The following AKAP4 variants were observed in gnomAD, a reference collection of about 807,000 sequenced individuals.
The protein encoded by AKAP4 is A-kinase anchoring protein 4.
A neutral mutation model predicts 42.6 loss-of-function variants in AKAP4; 4 were observed. The observed-to-expected ratio is 0.09, with a 90% CI of 0.05 to 0.22. The LOEUF is 0.22. Among genes scored for constraint, AKAP4 ranks in the 10% least tolerant of loss-of-function variants. AKAP4 has a pLI of 1.00. For missense variants in AKAP4, 551 were observed against 630.7 expected, an observed-to-expected ratio of 0.87 and a Z score of 1.35; for synonymous variants, 223 against 233.0, an observed-to-expected ratio of 0.96 and a Z score of 0.39.
Position 50,193,452 on chromosome X carries a change from C to G in AKAP4, c.1261G>C (p.Asp421His). Reference protein sequence around the residue: ...LFNQWKQNATDIMEAMLKRLV... With the variant: ...LFNQWKQNATHIMEAMLKRLV... ...CGCTTCAGCATGGCCTCCATGATGT[C>G]TGTAGCATTTTGTTTCCACTGGTTG... Residue 421 changes from aspartate (D) to histidine (H), a missense_variant, in exon 5 of 6, where the codon GAC becomes CAC. Asp to His is a moderately conservative substitution (Grantham distance 81, BLOSUM62 -1). Coordinates refer to ENST00000358526, the MANE Select transcript of AKAP4 (RefSeq NM_003886.3). The G allele has an allele frequency of 8.3e-7, 1 of 1,211,979 alleles. No homozygotes were observed. The highest frequency in any genetic ancestry group is 1.1e-6 in the Non-Finnish European group (1 of 895,604).
intron 1 of AKAP4, chrX:50,200,331 C>T (rs1935248254): frequency 6.6e-6 from 5 of 753,114 alleles, no homozygotes; most frequent in African/African-American, 2.3e-5. Context: ...TTCTTGGGCA[C>T]CTGCAGTTGG....
In AKAP4 at chrX:50,200,849, T is replaced by C. The variant is rs1557204789; in HGVS notation, c.27+14A>G. On this transcript the variant is annotated intron_variant, in intron 1 of 5. Coordinates refer to ENST00000358526, the MANE Select transcript of AKAP4 (RefSeq NM_003886.3). ...GCCCCCTTAGCTAGTCAAAAAGAAG[T>C]CAGATGTCCCTACCATTGTAGTATC... is the stretch of plus-strand genomic sequence containing the variant. 4.2e-6 allele frequency: 5 copies of C among 1,204,749 alleles called. No homozygotes were observed. Among genetic ancestry groups the C allele is most frequent in the Non-Finnish European group, 5.6e-6 (5 of 890,005 alleles).
In AKAP4 at chrX:50,198,652, C is replaced by T. The variant is rs782103387; in HGVS notation, c.123+5G>A. ...CTCCTCGGCATGAGTCATTTTTTAT[C>T]TTACCACTTTCCGGTCCTGATCTTG... On this transcript the variant is annotated splice_donor_5th_base_variant and intron_variant, in intron 2 of 5. Transcript: ENST00000358526. 6 of 1,202,838 alleles carry T rather than the reference C, an allele frequency of 5.0e-6. No homozygotes were observed. The highest frequency in any genetic ancestry group is 6.8e-6 in the Non-Finnish European group (6 of 888,314).
intron 5 of AKAP4, among the ~76,000 whole-genome samples, chrX:50,191,832 C>A: frequency 9.1e-6 from 1 of 110,088 alleles, no homozygotes; most frequent in African/African-American, 3.3e-5. Context: ...CTTGCAGGAC[C>A]CATGAGTTTG....
Position 50,197,664 on chromosome X carries a change from A to G in AKAP4, c.124-70T>C, listed in dbSNP as rs1373816541. The G allele has an allele frequency of 3.2e-6, 3 of 950,201 alleles. No individual in the cohort carries two copies. The African/African-American group carries it at 5.8e-5, about 18-fold the overall frequency. 78.3% of individuals were successfully genotyped at this position (950,201 alleles called of 1,213,427 possible). A position where few individuals can be genotyped will look rare whatever the true frequency, so the allele number is the denominator to read the frequency against. On this transcript the variant is annotated intron_variant, in intron 2 of 5. Coordinates refer to ENST00000358526, the MANE Select transcript of AKAP4 (RefSeq NM_003886.3). ...GGGGCATAATTTCTCTTTCTTGGAG[A>G]TGATAATAGCACCTACCTCAGAGGG...
At chrX:50,197,651 C>T (rs1376511545) in intron 2 of AKAP4, 57 bp from the exon 3 acceptor site, 1 of 1,061,217 alleles carries the variant, frequency 9.4e-7, no homozygotes, top group Non-Finnish European at 1.3e-6. Flanking sequence ...GGCATAATTT[C>T]TCTTTCTTGG....
At position 50,190,814 on chromosome X, in the gene AKAP4, C is replaced by T. The variant is rs1935096657; in HGVS notation, c.*146G>A. 1 of 543,284 alleles carries T rather than the reference C, an allele frequency of 1.8e-6. No individual in the cohort carries two copies. The highest frequency in any genetic ancestry group is 2.8e-6 in the Non-Finnish European group (1 of 358,617). 44.8% of individuals were successfully genotyped at this position (543,284 alleles called of 1,213,427 possible). On this transcript the variant is annotated 3_prime_UTR_variant, in exon 6 of 6. Coordinates refer to ENST00000358526, the MANE Select transcript of AKAP4 (RefSeq NM_003886.3). ...TTTATTTTATTTCCCAGTTTGTTGA[C>T]ACCTCTTACATTCACAGGCAACTGC...
At position 50,193,444 on chromosome X, in the gene AKAP4, C is replaced by T. The variant is rs782288244; in HGVS notation, c.1269G>A (p.Met423Ile). 5 of 1,211,963 alleles carry T rather than the reference C, an allele frequency of 4.1e-6. No homozygotes were observed. In the Admixed American group the frequency reaches 6.5e-5, roughly 16 times the overall value. The change falls in exon 5 of 6, where the codon ATG becomes ATA. Residue 423 changes from methionine to isoleucine, a missense_variant. Transcript: ENST00000358526. ...TGACCAAGCGCTTCAGCATGGCCTC[C>T]ATGATGTCTGTAGCATTTTGTTTCC... ...NQWKQNATDIMEAMLKRLVSA... is the reference protein window; with the variant it reads ...NQWKQNATDIIEAMLKRLVSA...
chrX:50,190,944 G>A lies in AKAP4; in HGVS notation c.*16C>T, dbSNP rs1423607442. On this transcript the variant is annotated 3_prime_UTR_variant, in exon 6 of 6. Coordinates refer to ENST00000358526, the MANE Select transcript of AKAP4 (RefSeq NM_003886.3). Reference sequence around the variant, plus strand: ...GCTGCTAGGGGGGCTAAGATGAAGAGGAGTCAAGGATCAGCTCACAGGTTA... The same window carrying A: ...GCTGCTAGGGGGGCTAAGATGAAGAAGAGTCAAGGATCAGCTCACAGGTTA... The A allele has an allele frequency of 8.3e-7, 1 of 1,206,982 alleles. No individual in the cohort carries two copies. Among genetic ancestry groups the A allele is most frequent in the African/African-American group, 1.8e-5 (1 of 56,634 alleles).
At chrX:50,198,794 GT>G in intron 1 of AKAP4, 42 bp from the exon 2 acceptor site, 3 of 1,054,442 alleles carry the variant, frequency 2.8e-6, no homozygotes, top group Non-Finnish European at 3.9e-6. Context: ...CTTATATATG[GT>G]TTTTGGAAAC....
chrX:50,194,615 G>A (rs1557204177), intron 4 of AKAP4, among the ~76,000 whole-genome samples, 179 bp from the exon 5 acceptor site: 1 of 108,334 alleles, frequency 9.2e-6, no homozygotes, highest in African/African-American at 3.4e-5. Flanking sequence ...AAAGTTCAAA[G>A]TATATACATG....
Position 50,192,557 on chromosome X carries a change from G to C in AKAP4, c.2156C>G (p.Ala719Gly), listed in dbSNP as rs138199562. 8.3e-7 allele frequency: 1 copy of C among 1,211,623 alleles called. No homozygotes were observed. The highest frequency in any genetic ancestry group is 1.7e-5 in the African/African-American group (1 of 57,796). Reference protein sequence around the residue: ...LIMAKYSNDGAALAELEEQAA... With the variant: ...LIMAKYSNDGGALAELEEQAA... ...TTGTTCTTCCAACTCAGCAAGGGCTGCCCCATCGTTGCTATACTTAGCCAT... is the reference window on the plus strand; with the variant it reads ...TTGTTCTTCCAACTCAGCAAGGGCTCCCCCATCGTTGCTATACTTAGCCAT... Residue 719 changes from alanine (A) to glycine (G), a missense_variant, in exon 5 of 6, where the codon GCA becomes GGA. Coordinates refer to ENST00000358526, the MANE Select transcript of AKAP4 (RefSeq NM_003886.3).
chrX:50,200,786 C>T (rs1311892454), intron 1 of AKAP4, 77 bp downstream of exon 1: 38 of 981,921 alleles, frequency 3.9e-5, no homozygotes, highest in Non-Finnish European at 5.2e-5. Flanking sequence ...TTGGAGGCTG[C>T]CTCAGCAGCT....
At position 50,192,568 on chromosome X, in the gene AKAP4, G is replaced by T. The variant is rs782053667; in HGVS notation, c.2145C>A (p.Ser715Arg). 2.5e-6 allele frequency: 3 copies of T among 1,211,541 alleles called. No homozygotes were observed. The highest frequency in any genetic ancestry group is 2.2e-6 in the Non-Finnish European group (2 of 895,546). ...ACTCAGCAAGGGCTGCCCCATCGTT[G>T]CTATACTTAGCCATGATAAGGCAGA... The part of the protein sequence containing the change: ...MKLCLIMAKY[S>R]NDGAALAELE... Residue 715 changes from serine to arginine, a missense_variant, in exon 5 of 6, where the codon AGC becomes AGA. By Grantham distance (110) the Ser-to-Arg change is moderately radical. Transcript: ENST00000358526.
At chrX:50,199,369 A>G (rs957777788) in intron 1 of AKAP4, among the ~76,000 whole-genome samples, 1 of 111,013 alleles carries the variant, frequency 9.0e-6, no homozygotes, top group Non-Finnish European at 1.9e-5. Flanking sequence ...GAATGCTGAG[A>G]AAACCCAGTC....
At chrX:50,198,527 G>T in intron 2 of AKAP4, 130 bp downstream of exon 2, 1 of 454,128 alleles carries the variant, frequency 2.2e-6, no homozygotes, top group Non-Finnish European at 3.8e-6. Context: ...GCCCCTGACA[G>T]ACCTTGTTGA....
intron 2 of AKAP4, 92 bp from the exon 3 acceptor site, chrX:50,197,686 A>G: frequency 1.2e-6 from 1 of 814,388 alleles, no homozygotes; most frequent in Non-Finnish European, 1.8e-6. Flanking sequence ...CCTACCTCAG[A>G]GGGTTCTTGT....
At position 50,197,642 on chromosome X, in the gene AKAP4, G is replaced by C. The variant is rs111645247; in HGVS notation, c.124-48C>G. 30 of 1,084,618 alleles carry C rather than the reference G, an allele frequency of 2.8e-5. No individual in the cohort carries two copies. In the South Asian group the frequency reaches 5.4e-4, roughly 20 times the overall value. The allele number at this position is 1,084,618 out of a possible 1,213,427, so 89.4% of individuals were successfully genotyped here. A position where few individuals can be genotyped will look rare whatever the true frequency, so the allele number is the denominator to read the frequency against. On this transcript the variant is annotated intron_variant, in intron 2 of 5. Coordinates refer to ENST00000358526, the MANE Select transcript of AKAP4 (RefSeq NM_003886.3). ...ATTTAGAAAAACTCTAGAGAAAGGGGCATAATTTCTCTTTCTTGGAGATGA... is the reference window on the plus strand; with the variant it reads ...ATTTAGAAAAACTCTAGAGAAAGGGCCATAATTTCTCTTTCTTGGAGATGA...
rs34737063 is a variant in AKAP4, at chrX:50,191,619, GGTGTGTGT to G, written c.2410-512_2410-505del. Among the ~76,000 whole-genome samples, 507 of 85,782 alleles carry G rather than the reference GGTGTGTGT, an allele frequency of 5.9e-3. 2 individuals carry two copies. Among genetic ancestry groups the G allele is most frequent in the Middle Eastern group, 0.013 (2 of 154 alleles). The allele number at this position is 85,782 out of a possible 115,157, so 74.5% of individuals were successfully genotyped here. On this transcript the variant is annotated intron_variant, in intron 5 of 5. Transcript: ENST00000358526. ...ATGCAGGAAACTCAGCTGTCAGATAGGTGTGTGTGTGTGTGTGTGTGTGTGTGTGTGTG... is the reference window on the plus strand; with the variant it reads ...ATGCAGGAAACTCAGCTGTCAGATAGGTGTGTGTGTGTGTGTGTGTGTGTG...
Sources: gnomAD v4.1 joint callset for allele counts (sites outside exome capture counted in the v4.1 genomes callset) on GRCh38, gnomAD v4.1.1 for gene constraint, MANE v1.5 for transcripts, NCBI Gene and HGNC (gene_info 2026-07-23, HGNC 2026-07-21) for gene names.